Variants in ZNF581 observed in about 807,000 individuals in gnomAD.
ZNF581 encodes zinc finger protein 581.
ZNF581 carries 1 observed loss-of-function variant against 1.2 expected under a neutral mutation model. The observed-to-expected ratio is 0.83, with a 90% CI of 0.30 to 3.95. The LOEUF is 3.95. Among genes scored for constraint, ZNF581 ranks in the 30% most tolerant of loss-of-function variants. The pLI is 0.18. For missense variants in ZNF581, 273 were observed against 274.6 expected (o/e 0.99, Z 0.04); for synonymous variants, 105 against 109.2 (o/e 0.96, Z 0.24).
chr19:55,641,961 G>A (rs1174114050), upstream of ZNF581: 3 of 833,504 alleles, frequency 3.6e-6, no homozygotes, highest in Non-Finnish European at 4.3e-6. Flanking sequence ...ATATGAAGAT[G>A]GGGAGGCCCT....
At position 55,644,332 on chromosome 19, in the gene ZNF581, G is replaced by T. The variant is rs927875572; in HGVS notation, c.-19-221G>T. On this transcript the variant is annotated intron_variant, in intron 1 of 1. Transcript: ENST00000270451. The surrounding 1 kb of genome is among the most constrained non-coding windows in gnomAD (Gnocchi z 4.3). ...AAGAGATCCTGTGAGTACAGTGTAT[G>T]GTGGAGCACCGAGGCTAGGAGAGGT... 1.3e-5 allele frequency among the ~76,000 whole-genome samples: 2 copies of T among 152,150 alleles called. No individual in the cohort carries two copies. Among genetic ancestry groups the T allele is most frequent in the Non-Finnish European group, 2.9e-5 (2 of 68,020 alleles).
upstream of ZNF581, chr19:55,643,227 C>T: frequency 1.1e-6 from 1 of 941,558 alleles, no homozygotes; most frequent in Non-Finnish European, 1.4e-6. Context: ...AGACCAAAGT[C>T]GTTGCCCCTC....
At chr19:55,635,558 G>A (rs8111497) in exon 1 of ZNF581, 5 of 579,966 alleles carry the variant, frequency 8.6e-6, no homozygotes, top group African/African-American at 4.1e-5. Context: ...CTGATTGCCA[G>A]CCTCGCTGGA....
At chr19:55,640,534 C>G (rs1448408132), upstream of ZNF581, 47 of 985,380 alleles carry the variant, frequency 4.8e-5, no homozygotes, top group African/African-American at 5.2e-5. Flanking sequence ...AAAGAACATA[C>G]CTTCCCCAAC....
chr19:55,644,478 G>T lies in ZNF581; in HGVS notation c.-19-75G>T. On this transcript the variant is annotated intron_variant, in intron 1 of 1. Transcript: ENST00000270451. The surrounding 1 kb of genome is among the most constrained non-coding windows in gnomAD (Gnocchi z 4.3). ...AGAGGTCCTGGGCCGGGTATAGGGA[G>T]GGAAAAGGATGGAGCCTGTGGTGCT... The T allele has an allele frequency of 1.0e-6, 1 of 961,452 alleles. No individual in the cohort carries two copies. Among genetic ancestry groups the T allele is most frequent in the South Asian group, 1.7e-5 (1 of 58,908 alleles). 59.6% of individuals were successfully genotyped at this position (961,452 alleles called of 1,614,324 possible). A position where few individuals can be genotyped will look rare whatever the true frequency, so the allele number is the denominator to read the frequency against.
chr19:55,640,836 TC>T (rs1308633720), upstream of ZNF581: 3 of 985,330 alleles, frequency 3.0e-6, no homozygotes, highest in Non-Finnish European at 3.6e-6. Flanking sequence ...GCGGAATCGT[TC>T]CGTTCGGGAG....
upstream of ZNF581, chr19:55,642,573 C>G: frequency 6.9e-7 from 1 of 1,451,790 alleles, no homozygotes; most frequent in East Asian, 2.7e-5. Flanking sequence ...ATGGACCCAC[C>G]GCCCCCCAAG....
chr19:55,641,012 A>G (rs1042095866), upstream of ZNF581: 119 of 985,236 alleles, frequency 1.2e-4, 1 homozygote, highest in Middle Eastern at 5.8e-3. Flanking sequence ...GCCTTTTCCC[A>G]GGGACTCCGC....
chr19:55,639,476 G>T (rs1362396486), upstream of ZNF581, among the ~76,000 whole-genome samples: 1 of 152,168 alleles, frequency 6.6e-6, no homozygotes, highest in East Asian at 1.9e-4. Context: ...CCAGTAAAAT[G>T]TTTAAAAAGT....
upstream of ZNF581, chr19:55,642,824 C>T (rs1183243582): frequency 2.5e-6 from 4 of 1,574,382 alleles, no homozygotes; most frequent in African/African-American, 2.7e-5. Context: ...CAGCCCTCTG[C>T]GGCTGCAGAG....
At chr19:55,643,926 C>T (rs1465347891) in intron 1 of ZNF581, 152 bp downstream of exon 1, 1 of 152,492 alleles carries the variant, frequency 6.6e-6, no homozygotes, top group East Asian at 1.9e-4. Flanking sequence ...ACAGAAAGGC[C>T]CAGAAAGCGA....
chr19:55,636,510 G>A (rs931784379), upstream of ZNF581, among the ~76,000 whole-genome samples: 13 of 152,146 alleles, frequency 8.5e-5, no homozygotes, highest in Non-Finnish European at 1.5e-4. Flanking sequence ...TGGATGGGGC[G>A]ATCAAATTCA....
chr19:55,642,280 G>A, upstream of ZNF581: 1 of 1,244,940 alleles, frequency 8.0e-7, no homozygotes, highest in Non-Finnish European at 1.0e-6. Flanking sequence ...GGCAGGTGGT[G>A]GCGGGGTTTT....
chr19:55,641,469 C>A (rs763831542), upstream of ZNF581, among the ~76,000 whole-genome samples: 1 of 152,094 alleles, frequency 6.6e-6, no homozygotes, highest in Non-Finnish European at 1.5e-5. Context: ...AAAGAACGGG[C>A]GGGGGACCAC....
chr19:55,642,976 A>G, upstream of ZNF581: 2 of 1,379,674 alleles, frequency 1.4e-6, no homozygotes, highest in Non-Finnish European at 1.9e-6. Context: ...CGCTCTGCCC[A>G]CGCCGCTTCC....
upstream of ZNF581, among the ~76,000 whole-genome samples, chr19:55,637,618 G>A (rs770320568): frequency 2.0e-5 from 3 of 152,128 alleles, no homozygotes; most frequent in Admixed American, 6.5e-5. Context: ...TAAGCTGGGC[G>A]TAAGTGGTGG....
Position 55,644,670 on chromosome 19 carries a change from T to C in ZNF581, c.99T>C (p.Pro33=). ...GTCGGACTTGCCGCTCCCCAGAACC[T>C]GGACCTTCCTCCTCCATCGGATCTC... ...PPRRTCRSPE[P]GPSSSIGSPQ... The change falls in exon 2 of 2, where the codon CCT becomes CCC. Residue 33 remains proline (P), a synonymous_variant. Coordinates refer to ENST00000270451, the MANE Select transcript of ZNF581 (RefSeq NM_016535.4). This position sits in a 1 kb window ranked among gnomAD's most constrained non-coding sequence, Gnocchi z 4.3. 6.2e-7 allele frequency: 1 copy of C among 1,612,968 alleles called. No homozygotes were observed. Among genetic ancestry groups the C allele is most frequent in the Non-Finnish European group, 8.5e-7 (1 of 1,179,494 alleles).
upstream of ZNF581, chr19:55,640,434 C>T (rs1982382658): frequency 5.1e-6 from 5 of 985,376 alleles, no homozygotes; most frequent in Admixed American, 2.5e-4. Context: ...TCGGTGTCGC[C>T]ACATGCCTTC....
Position 55,644,754 on chromosome 19 carries a change from C to A in ZNF581, c.183C>A (p.Val61=). ...ACCTGCTTATTGACACTCAGGGTGT[C>A]CCCTACACAGTGCTGGTGGACGAGG... ...NHYLLIDTQG[V]PYTVLVDEES... The change falls in exon 2 of 2, where the codon GTC becomes GTA. Residue 61 remains valine, a synonymous_variant. Transcript: ENST00000270451. The surrounding 1 kb of genome is among the most constrained non-coding windows in gnomAD (Gnocchi z 4.3). 13 of 1,614,122 alleles carry A rather than the reference C, an allele frequency of 8.1e-6. No homozygotes were observed. Among genetic ancestry groups the A allele is most frequent in the Non-Finnish European group, 1.0e-5 (12 of 1,179,976 alleles).
Sources: gnomAD v4.1 joint callset for allele counts (sites outside exome capture counted in the v4.1 genomes callset) on GRCh38, gnomAD v4.1.1 for gene constraint, Gnocchi (gnomAD v3.1) non-coding constraint, MANE v1.5 for transcripts, NCBI Gene and HGNC (gene_info 2026-07-23, HGNC 2026-07-21) for gene names.